YY1: variants seen among roughly 807,000 people sequenced by gnomAD.
The protein encoded by YY1 is YY1 transcription factor.
YY1 carries 2 observed loss-of-function variants against 35.6 expected under a neutral mutation model. The observed-to-expected ratio is 0.06, with a 90% CI of 0.02 to 0.18. The LOEUF (loss-of-function observed/expected upper bound fraction) is 0.18. Ranked by LOEUF, YY1 falls within the 10% of genes least tolerant of loss-of-function variation. The pLI, the probability that YY1 is intolerant of heterozygous loss-of-function variation, is 1.00. For synonymous variants in YY1, 268 were observed against 238.9 expected, an observed-to-expected ratio of 1.12 and a Z score of -1.12; for missense variants, 322 against 573.4, an observed-to-expected ratio of 0.56 and a Z score of 4.48.
At position 100,239,463 on chromosome 14, in the gene YY1, C is replaced by T. The variant is rs1566765700; in HGVS notation, c.219C>T (p.His73=). The stretch of plus-strand genomic sequence containing the variant: ...ACGGGCACGCCGGCCACCACCACCA[C>T]CACCATCACCACCACCACCACCCGC... The part of the protein sequence containing the change: ...GGHGHAGHHH[H]HHHHHHHPPM... Residue 73 remains histidine, a synonymous_variant, in exon 1 of 5, where the codon CAC becomes CAT. Transcript: ENST00000262238. 3 of 1,600,970 alleles carry T rather than the reference C, an allele frequency of 1.9e-6. No homozygotes were observed. Among genetic ancestry groups the T allele is most frequent in the South Asian group, 1.1e-5 (1 of 90,414 alleles).
At chr14:100,258,812 A>G (rs1156945581) in intron 1 of YY1, among the ~76,000 whole-genome samples, 2 of 152,276 alleles carry the variant, frequency 1.3e-5, no homozygotes, top group African/African-American at 4.8e-5. Context: ...GTGGAATTAG[A>G]GTCATGTAAA....
At chr14:100,249,760 G>GTTTTT (rs34925666) in intron 1 of YY1, among the ~76,000 whole-genome samples, 22 of 143,048 alleles carry the variant, frequency 1.5e-4, no homozygotes, top group African/African-American at 5.5e-4. Flanking sequence ...TTTTTTTTTT[G>GTTTTT]TTTGTTTTTG....
At chr14:100,266,084 C>A (rs1225085904) in intron 2 of YY1, among the ~76,000 whole-genome samples, 2 of 152,102 alleles carry the variant, frequency 1.3e-5, no homozygotes, top group Non-Finnish European at 2.9e-5. Context: ...AAAGTGGAAA[C>A]CCCTGATAAA....
intron 2 of YY1, among the ~76,000 whole-genome samples, chr14:100,271,611 G>A (rs971354925): frequency 2.6e-5 from 4 of 152,012 alleles, no homozygotes; most frequent in African/African-American, 7.2e-5. Context: ...GTTTAAATAC[G>A]AAATTTGAAA....
At chr14:100,268,380 G>A (rs190341191) in intron 2 of YY1, among the ~76,000 whole-genome samples, 6 of 152,290 alleles carry the variant, frequency 3.9e-5, no homozygotes, top group South Asian at 2.1e-4. Context: ...TTTTTTTCCC[G>A]AAATGTCTGT....
rs2139620247 is a variant in YY1 at position 100,282,532 on chromosome 14, T to C, written c.*4932T>C. The stretch of plus-strand genomic sequence containing the variant: ...ATGTTTTTATTCGCTTTCTGGTAAC[T>C]TCTGTAGGCCCTGGCTCAAGGACTT... On this transcript the variant is annotated 3_prime_UTR_variant, in exon 5 of 5. Coordinates refer to ENST00000262238, the MANE Select transcript of YY1 (RefSeq NM_003403.5). 6.6e-6 allele frequency: 1 copy of C among 152,330 alleles called. No individual in the cohort carries two copies. Among genetic ancestry groups the C allele is most frequent in the African/African-American group, 2.4e-5 (1 of 41,568 alleles). 9.4% of individuals were successfully genotyped at this position (152,330 alleles called of 1,614,324 possible). A position where few individuals can be genotyped will look rare whatever the true frequency, so the allele number is the denominator to read the frequency against.
At chr14:100,258,710 C>T (rs1211174305) in intron 1 of YY1, among the ~76,000 whole-genome samples, 2 of 152,170 alleles carry the variant, frequency 1.3e-5, no homozygotes, top group African/African-American at 4.8e-5. Flanking sequence ...GTTACTTAAC[C>T]TCTCTGTGCC....
At position 100,244,611 on chromosome 14, in the gene YY1, C is replaced by A. The variant is rs143669074; in HGVS notation, c.679+4688C>A. 6.0e-3 allele frequency among the ~76,000 whole-genome samples: 839 copies of A among 138,912 alleles called. 3 individuals are homozygous for A. Among genetic ancestry groups the A allele is most frequent in the Middle Eastern group, 0.035 (10 of 288 alleles). The allele number at this position is 138,912 out of a possible 152,430, so 91.1% of individuals were successfully genotyped here. The stretch of plus-strand genomic sequence containing the variant: ...TTACTTTTTTTTTTTGAGGCAGGGT[C>A]TCATTCTGTCACCCAGGCTAGAGTG... On this transcript the variant is annotated intron_variant, in intron 1 of 4. Transcript: ENST00000262238.
intron 1 of YY1, among the ~76,000 whole-genome samples, chr14:100,240,380 A>G (rs1890715321): frequency 6.8e-6 from 1 of 146,850 alleles, no homozygotes; most frequent in African/African-American, 2.5e-5. Flanking sequence ...TGCCTCCGGG[A>G]CGCGCGCCCC....
intron 1 of YY1, among the ~76,000 whole-genome samples, chr14:100,249,256 G>A (rs772734786): frequency 1.3e-5 from 2 of 151,376 alleles, no homozygotes; most frequent in African/African-American, 2.4e-5. Flanking sequence ...GAGTAACTGG[G>A]ATTACAGGCT....
chr14:100,243,769 A>T (rs573083368), intron 1 of YY1, among the ~76,000 whole-genome samples: 1 of 150,162 alleles, frequency 6.7e-6, no homozygotes, highest in Non-Finnish European at 1.5e-5. Flanking sequence ...TGATTACACC[A>T]CTGTACTCCA....
chr14:100,260,326 T>G (rs1891063314), intron 1 of YY1, among the ~76,000 whole-genome samples: 1 of 151,654 alleles, frequency 6.6e-6, no homozygotes, highest in Non-Finnish European at 1.5e-5. Flanking sequence ...ATTACAGGCA[T>G]GAGCCACTGT....
At position 100,239,667 on chromosome 14, in the gene YY1, C is replaced by T; in HGVS notation, c.423C>T (p.Gly141=). 1.2e-6 allele frequency: 2 copies of T among 1,608,846 alleles called. No homozygotes were observed. The highest frequency in any genetic ancestry group is 1.7e-6 in the Non-Finnish European group (2 of 1,179,504). ...ILIPVPAPAG[G]DDDYIEQTLV... ...TCCCGGTGCCCGCGCCGGCCGGCGG[C>T]GACGACGACTACATTGAACAAACGC... The change falls in exon 1 of 5, where the codon GGC becomes GGT. Residue 141 remains glycine, a synonymous_variant. Coordinates refer to ENST00000262238, the MANE Select transcript of YY1 (RefSeq NM_003403.5).
intron 1 of YY1, among the ~76,000 whole-genome samples, chr14:100,261,199 T>G (rs1891082205): frequency 6.6e-6 from 1 of 152,138 alleles, no homozygotes; most frequent in African/African-American, 2.4e-5. Flanking sequence ...TTTTTTGCTT[T>G]GTTTTTTTGA....
At chr14:100,273,506 G>T (rs994369001) in intron 2 of YY1, among the ~76,000 whole-genome samples, 1 of 151,938 alleles carries the variant, frequency 6.6e-6, no homozygotes, top group Non-Finnish European at 1.5e-5. Flanking sequence ...TAGAGACAGG[G>T]TTTTGTCCAT....
At chr14:100,259,802 A>G (rs1891055375) in intron 1 of YY1, among the ~76,000 whole-genome samples, 1 of 152,230 alleles carries the variant, frequency 6.6e-6, no homozygotes, top group African/African-American at 2.4e-5. Flanking sequence ...AGGCATGTGC[A>G]AAGGAGAAAT....
At chr14:100,241,549 T>TA (rs1890742342) in intron 1 of YY1, among the ~76,000 whole-genome samples, 1 of 152,208 alleles carries the variant, frequency 6.6e-6, no homozygotes, top group Non-Finnish European at 1.5e-5. Flanking sequence ...GTAGAATTCA[T>TA]AGCAGTTTGA....
chr14:100,260,864 C>T (rs138359324), intron 1 of YY1, among the ~76,000 whole-genome samples: 8 of 132,962 alleles, frequency 6.0e-5, no homozygotes, highest in African/African-American at 1.1e-4. Context: ...GACGTGGTCA[C>T]GGCTCACTAC....
At chr14:100,245,678 C>T (rs1455214514) in intron 1 of YY1, among the ~76,000 whole-genome samples, 1 of 151,976 alleles carries the variant, frequency 6.6e-6, no homozygotes, top group Admixed American at 6.6e-5. Flanking sequence ...GCGATCTCGG[C>T]TCACTGCAAG....
Sources: gnomAD v4.1 joint callset for allele counts (sites outside exome capture counted in the v4.1 genomes callset) on GRCh38, gnomAD v4.1.1 for gene constraint, MANE v1.5 for transcripts, NCBI Gene and HGNC (gene_info 2026-07-23, HGNC 2026-07-21) for gene names.